PDZD8: variants seen among roughly 807,000 people sequenced by gnomAD.
PDZD8 encodes the protein PDZ domain-containing protein 8.
A neutral mutation model predicts 85.8 loss-of-function variants in PDZD8; 14 were observed. That is an observed-to-expected ratio of 0.16 (90% confidence interval 0.11 to 0.26). The LOEUF is 0.26. Ranked by LOEUF, PDZD8 falls within the 10% of genes least tolerant of loss-of-function variation. The pLI is 1.00. For missense variants in PDZD8, 1,197 were observed against 1,424.3 expected (o/e 0.84, Z 2.57); for synonymous variants, 592 against 568.6 (o/e 1.04, Z -0.59).
At chr10:117,333,971 A>T (rs2133835331) in intron 2 of PDZD8, among the ~76,000 whole-genome samples, 1 of 152,342 alleles carries the variant, frequency 6.6e-6, no homozygotes, top group Non-Finnish European at 1.5e-5. Flanking sequence ...CCATAAAAGG[A>T]CAAAAAGCAA....
At position 117,374,661 on chromosome 10, in the gene PDZD8, C is replaced by G. The variant is rs1308697641; in HGVS notation, c.567G>C (p.Glu189Asp). The change falls in exon 1 of 5, where the codon GAG (glutamate) becomes GAC (aspartate). Residue 189 changes from glutamate (E) to aspartate (D), a missense_variant. By Grantham distance (45) the Glu-to-Asp change is conservative (BLOSUM62 2). Transcript: ENST00000334464. This position sits in a 1 kb window ranked among gnomAD's most constrained non-coding sequence, Gnocchi z 7.8. The part of the protein sequence containing the change: ...GEALPAACPE[E>D]LAFEAEVEYN... ...ACTCCACCTCCGCCTCGAAGGCCAG[C>G]TCCTCGGGGCAGGCGGCGGGCAGCG... The G allele has an allele frequency of 6.3e-7, 1 of 1,586,914 alleles. No individual in the cohort carries two copies.
At position 117,280,423 on chromosome 10, in the gene PDZD8, T is replaced by C. The variant is rs1790348687; in HGVS notation, c.*2845A>G. The C allele has an allele frequency of 6.6e-6, 1 of 152,202 alleles. No individual in the cohort carries two copies. Among genetic ancestry groups the C allele is most frequent in the Admixed American group, 6.5e-5 (1 of 15,278 alleles). 9.4% of individuals were successfully genotyped at this position (152,202 alleles called of 1,614,324 possible). On this transcript the variant is annotated 3_prime_UTR_variant, in exon 5 of 5. Coordinates refer to ENST00000334464, the MANE Select transcript of PDZD8 (RefSeq NM_173791.5). ...TATGCTTTTCTGCATGGCCAAATTA[T>C]ACCAGAAGATAATTCCATAGAGATG...
At chr10:117,347,147 T>C (rs756899231) in intron 1 of PDZD8, among the ~76,000 whole-genome samples, 6 of 151,422 alleles carry the variant, frequency 4.0e-5, no homozygotes, top group Non-Finnish European at 8.8e-5. Context: ...AATGGAACCG[T>C]TTCATTAACA....
intron 3 of PDZD8, among the ~76,000 whole-genome samples, chr10:117,297,016 A>G (rs1359835441): frequency 6.6e-6 from 1 of 152,128 alleles, no homozygotes; most frequent in African/African-American, 2.4e-5. Context: ...GATTAGGAGA[A>G]AATATTTGAA....
chr10:117,373,693 TCG>T (rs1845235672), intron 1 of PDZD8, among the ~76,000 whole-genome samples: 1 of 147,078 alleles, frequency 6.8e-6, no homozygotes, highest in Non-Finnish European at 1.5e-5. Flanking sequence ...GGCAGGAGAA[TCG>T]CTCGAACCTG....
intron 1 of PDZD8, among the ~76,000 whole-genome samples, chr10:117,349,657 G>T (rs1844769293): frequency 6.6e-6 from 1 of 152,048 alleles, no homozygotes; most frequent in Admixed American, 6.6e-5. Flanking sequence ...ACAAAAACCA[G>T]CTGGGCATGG....
chr10:117,373,057 G>A (rs1401009779), intron 1 of PDZD8, among the ~76,000 whole-genome samples: 1 of 152,092 alleles, frequency 6.6e-6, no homozygotes, highest in African/African-American at 2.4e-5. Context: ...ATGTCTTAGT[G>A]AATACAAAAT....
intron 2 of PDZD8, among the ~76,000 whole-genome samples, chr10:117,336,074 A>G (rs1352688964): frequency 2.6e-5 from 4 of 152,236 alleles, no homozygotes; most frequent in African/African-American, 9.6e-5. Flanking sequence ...GATGAGACCC[A>G]AGTCTAAACA....
intron 1 of PDZD8, among the ~76,000 whole-genome samples, chr10:117,344,837 G>A (rs939968660): frequency 2.6e-5 from 4 of 152,204 alleles, no homozygotes; most frequent in Non-Finnish European, 5.9e-5. Flanking sequence ...TCAGTCAAGA[G>A]GAGGGGGATT....
At chr10:117,370,291 G>T (rs990296665) in intron 1 of PDZD8, among the ~76,000 whole-genome samples, 15 of 152,144 alleles carry the variant, frequency 9.9e-5, no homozygotes, top group African/African-American at 3.4e-4. Flanking sequence ...TGAAATGTCA[G>T]TCAGCTGGGT....
intron 3 of PDZD8, among the ~76,000 whole-genome samples, chr10:117,299,634 T>C (rs1252796916): frequency 6.6e-6 from 1 of 152,208 alleles, no homozygotes; most frequent in African/African-American, 2.4e-5. Context: ...CATTTTGTAT[T>C]TATCTAAGTG....
In PDZD8 at chr10:117,341,056, C is replaced by A. The variant is rs373046906; in HGVS notation, c.919G>T (p.Asp307Tyr). 2 of 1,613,680 alleles carry A rather than the reference C, an allele frequency of 1.2e-6. No homozygotes were observed. The highest frequency in any genetic ancestry group is 1.7e-6 in the Non-Finnish European group (2 of 1,179,650). The change falls in exon 2 of 5, where the codon GAT becomes TAT. Residue 307 changes from aspartate to tyrosine, a missense_variant. Transcript: ENST00000334464. ...PYQTLQGFEE[D>Y]EEHIHIQQWA... ...TGTTGTATATGGATATGCTCTTCATCTTCTTCAAATCCTTGCAAGGTCTGG... is the reference window on the plus strand; with the variant it reads ...TGTTGTATATGGATATGCTCTTCATATTCTTCAAATCCTTGCAAGGTCTGG...
chr10:117,360,457 C>G (rs1226893705), intron 1 of PDZD8, among the ~76,000 whole-genome samples: 1 of 152,064 alleles, frequency 6.6e-6, no homozygotes, highest in Non-Finnish European at 1.5e-5. Flanking sequence ...TACCAGCCCC[C>G]CAACACACAC....
chr10:117,292,892 G>T (rs1401588829), intron 3 of PDZD8, among the ~76,000 whole-genome samples: 2 of 151,768 alleles, frequency 1.3e-5, no homozygotes, highest in South Asian at 2.1e-4. Flanking sequence ...TATGTACAGG[G>T]AACAGAACAT....
intron 3 of PDZD8, among the ~76,000 whole-genome samples, chr10:117,292,453 G>A (rs903863130): frequency 3.3e-5 from 5 of 152,102 alleles, no homozygotes; most frequent in African/African-American, 1.2e-4. Flanking sequence ...GATTGCCAAA[G>A]CTGAAATTTA....
At chr10:117,342,204 T>C (rs948633698) in intron 1 of PDZD8, among the ~76,000 whole-genome samples, 4 of 152,228 alleles carry the variant, frequency 2.6e-5, no homozygotes, top group Non-Finnish European at 5.9e-5. Flanking sequence ...AGTTATAAAC[T>C]GTAGGTTTTA....
chr10:117,305,497 C>T (rs912391774), intron 3 of PDZD8, among the ~76,000 whole-genome samples: 10 of 148,224 alleles, frequency 6.7e-5, no homozygotes, highest in South Asian at 2.1e-4. Context: ...CACACACACA[C>T]ACACACACAC....
intron 4 of PDZD8, among the ~76,000 whole-genome samples, chr10:117,286,254 C>T (rs11197942): frequency 1.3e-5 from 2 of 152,358 alleles, no homozygotes; most frequent in East Asian, 1.9e-4. Flanking sequence ...ACTGTCCCTT[C>T]CCTGACCTTA....
At chr10:117,359,794 T>C (rs1247606495) in intron 1 of PDZD8, among the ~76,000 whole-genome samples, 1 of 152,164 alleles carries the variant, frequency 6.6e-6, no homozygotes, top group South Asian at 2.1e-4. Context: ...TCAAGTTTTA[T>C]AACTAAGCTT....
Sources: gnomAD v4.1 joint callset for allele counts (sites outside exome capture counted in the v4.1 genomes callset) on GRCh38, gnomAD v4.1.1 for gene constraint, Gnocchi (gnomAD v3.1) non-coding constraint, MANE v1.5 for transcripts, NCBI Gene and HGNC (gene_info 2026-07-23, HGNC 2026-07-21) for gene names.